The following HDAC9 variants were observed in gnomAD, a reference collection of about 807,000 sequenced individuals.
HDAC9 encodes the protein MEF-2 interacting transcription repressor (MITR) protein.
HDAC9 carries 41 observed loss-of-function variants against 139.4 expected under a neutral mutation model. The observed-to-expected ratio is 0.29, with a 90% CI of 0.23 to 0.38. HDAC9 has a LOEUF of 0.38. Ranked by LOEUF, HDAC9 falls within the 10% of genes least tolerant of loss-of-function variation. The pLI is 1.00. For synonymous variants in HDAC9, 517 were observed against 476.2 expected (o/e 1.09, Z -1.12); for missense variants, 1,147 against 1,297.0 (o/e 0.88, Z 1.78).
chr7:18,867,034 G>C (rs924791916), intron 21 of HDAC9, among the ~76,000 whole-genome samples: 1 of 152,164 alleles, frequency 6.6e-6, no homozygotes, highest in Non-Finnish European at 1.5e-5. Flanking sequence ...ACTGTGTTTA[G>C]CATCTAGTCA....
At chr7:18,938,554 C>T (rs929083547) in intron 23 of HDAC9, among the ~76,000 whole-genome samples, 4 of 151,996 alleles carry the variant, frequency 2.6e-5, no homozygotes, top group South Asian at 2.1e-4. Flanking sequence ...GAGATGGCAC[C>T]ACTGCATTCC....
intron 2 of HDAC9, among the ~76,000 whole-genome samples, chr7:18,189,132 G>T (rs991831977): frequency 9.9e-5 from 15 of 152,130 alleles, no homozygotes; most frequent in African/African-American, 3.6e-4. Context: ...AGAAAATGTG[G>T]TACATATACA....
chr7:18,643,836 C>T (rs1786501285), intron 8 of HDAC9, among the ~76,000 whole-genome samples: 1 of 151,966 alleles, frequency 6.6e-6, no homozygotes, highest in South Asian at 2.1e-4. Flanking sequence ...ATGTTGTTCC[C>T]TTGGGGACCA....
intron 1 of HDAC9, among the ~76,000 whole-genome samples, chr7:18,381,361 C>T (rs753767557): frequency 1.3e-5 from 2 of 151,932 alleles, no homozygotes; most frequent in African/African-American, 2.4e-5. Context: ...ATAAATTTCT[C>T]TAACTAGAAA....
intron 23 of HDAC9, among the ~76,000 whole-genome samples, chr7:18,950,550 A>T (rs1782719954): frequency 6.6e-6 from 1 of 152,064 alleles, no homozygotes; most frequent in African/African-American, 2.4e-5. Flanking sequence ...CATTTATTCA[A>T]CATTTTTAAA....
At chr7:18,136,186 G>A (rs1418229587) in intron 1 of HDAC9, among the ~76,000 whole-genome samples, 23 of 148,628 alleles carry the variant, frequency 1.5e-4, no homozygotes, top group African/African-American at 5.5e-4. Context: ...TGAGTTCATT[G>A]TAGATTCTGG....
At chr7:18,974,924 T>A (rs891318787) in intron 24 of HDAC9, among the ~76,000 whole-genome samples, 1 of 152,178 alleles carries the variant, frequency 6.6e-6, no homozygotes, top group Non-Finnish European at 1.5e-5. Flanking sequence ...TTCCAAGAAG[T>A]AAGCAAACAC....
chr7:18,713,843 G>C (rs1393512574), intron 12 of HDAC9, among the ~76,000 whole-genome samples: 1 of 152,086 alleles, frequency 6.6e-6, no homozygotes, highest in African/African-American at 2.4e-5. Context: ...ATATCAGAAA[G>C]AAGGCAGAAG....
At chr7:18,324,120 G>A (rs148761926) in intron 1 of HDAC9, among the ~76,000 whole-genome samples, 2 of 152,058 alleles carry the variant, frequency 1.3e-5, no homozygotes, top group African/African-American at 4.8e-5. Flanking sequence ...AATGCTGGGG[G>A]CACATAGACA....
At chr7:18,159,822 A>T (rs1017167508) in intron 1 of HDAC9, among the ~76,000 whole-genome samples, 3 of 152,214 alleles carry the variant, frequency 2.0e-5, no homozygotes, top group Non-Finnish European at 2.9e-5. Flanking sequence ...ACATTTTCAT[A>T]AATGTTAGAC....
chr7:18,311,144 A>G (rs1799292975), intron 1 of HDAC9, among the ~76,000 whole-genome samples: 1 of 152,064 alleles, frequency 6.6e-6, no homozygotes, highest in Non-Finnish European at 1.5e-5. Flanking sequence ...TTTTTATAAC[A>G]AGGATTCTGC....
At chr7:18,199,222 C>A (rs1178320) in intron 2 of HDAC9, among the ~76,000 whole-genome samples, 61,338 of 151,978 alleles carry the variant, frequency 0.4, 14,803 homozygotes, top group African/African-American at 0.68. Context: ...TCTTCTATCT[C>A]CAAAGTAATG....
At chr7:18,165,609 A>C (rs1787952473) in intron 2 of HDAC9, among the ~76,000 whole-genome samples, 1 of 152,040 alleles carries the variant, frequency 6.6e-6, no homozygotes, top group African/African-American at 2.4e-5. Flanking sequence ...CAATATGGTG[A>C]GATCCTATCT....
chr7:18,585,323 C>T lies in HDAC9; in HGVS notation c.65C>T (p.Ser22Leu). 1 of 1,613,388 alleles carries T rather than the reference C, an allele frequency of 6.2e-7. No homozygotes were observed. The highest frequency in any genetic ancestry group is 8.5e-7 in the Non-Finnish European group (1 of 1,179,646). ...GTTCCTGTGGGCCTGGAGCCCATCT[C>T]ACCTTTAGACCTAAGGACAGACCTC... ...SEVPVGLEPI[S>L]PLDLRTDLRM... The change falls in exon 3 of 26, where the codon TCA (serine) becomes TTA (leucine). Residue 22 changes from serine (S) to leucine (L), a missense_variant. Transcript: ENST00000686413.
Position 18,177,568 on chromosome 7 carries a change from C to G in HDAC9, c.25+15219C>G, listed in dbSNP as rs576597542. 3.9e-5 allele frequency among the ~76,000 whole-genome samples: 6 copies of G among 152,198 alleles called. No individual in the cohort carries two copies. In the South Asian group the frequency reaches 1.2e-3, roughly 32 times the overall value. On this transcript the variant is annotated intron_variant, in intron 2 of 12. Transcript: ENST00000417496. ...ACCCTTCCTCACCACTGGGAGTGTCCTGTTTACTTATCTTCAACACCCAGC... is the reference window on the plus strand; with the variant it reads ...ACCCTTCCTCACCACTGGGAGTGTCGTGTTTACTTATCTTCAACACCCAGC...
intron 1 of HDAC9, among the ~76,000 whole-genome samples, chr7:18,456,382 C>G (rs559845485): frequency 1.3e-5 from 2 of 152,198 alleles, no homozygotes; most frequent in African/African-American, 4.8e-5. Flanking sequence ...GACACAGGCA[C>G]ATGCCACCAT....
At position 18,179,897 on chromosome 7, in the gene HDAC9, T is replaced by C. The variant is rs936500262; in HGVS notation, c.25+17548T>C. 3.3e-5 allele frequency among the ~76,000 whole-genome samples: 5 copies of C among 152,182 alleles called. 1 individual carries two copies. Among genetic ancestry groups the C allele is most frequent in the African/African-American group, 4.8e-5 (2 of 41,446 alleles). On this transcript the variant is annotated intron_variant, in intron 2 of 12. Coordinates refer to the HDAC9 transcript ENST00000417496. ...CATTTAGAATGATCACACATAAATATGTGCTTTTTTCTCTCAACCGTGACC... is the reference window on the plus strand; with the variant it reads ...CATTTAGAATGATCACACATAAATACGTGCTTTTTTCTCTCAACCGTGACC...
intron 13 of HDAC9, among the ~76,000 whole-genome samples, chr7:18,728,447 A>ACACACACAC (rs1472259793): frequency 7.0e-6 from 1 of 142,154 alleles, no homozygotes; most frequent in South Asian, 2.3e-4. Context: ...ACACACACAC[A>ACACACACAC]AAGGGTGCTA....
At chr7:18,467,970 G>A (rs1794421106) in intron 1 of HDAC9, among the ~76,000 whole-genome samples, 1 of 151,980 alleles carries the variant, frequency 6.6e-6, no homozygotes, top group Non-Finnish European at 1.5e-5. Context: ...CCATCTGTTG[G>A]GTTATATCTG....
Sources: allele counts gnomAD v4.1 joint callset (sites outside exome capture counted in the v4.1 genomes callset), GRCh38; gene constraint gnomAD v4.1.1; transcripts MANE v1.5; gene names NCBI Gene and HGNC (gene_info 2026-07-23, HGNC 2026-07-21).